Variants in SETBP1 observed in about 807,000 individuals in gnomAD.
SETBP1 encodes SET binding protein 1.
SETBP1 carries 9 observed loss-of-function variants against 101.0 expected under a neutral mutation model. The ratio of observed to expected loss-of-function variants is 0.09; its 90% CI spans 0.05 to 0.16. The LOEUF is 0.16. SETBP1 is among the 10% of genes least tolerant of loss of function. The pLI, the probability that SETBP1 is intolerant of heterozygous loss-of-function variation, is 1.00. For missense variants in SETBP1, 1,858 were observed against 2,033.8 expected, an observed-to-expected ratio of 0.91 and a Z score of 1.66; for synonymous variants, 818 against 788.5, an observed-to-expected ratio of 1.04 and a Z score of -0.63.
At chr18:45,034,396 G>C (rs1056115502) in intron 4 of SETBP1, among the ~76,000 whole-genome samples, 2 of 152,124 alleles carry the variant, frequency 1.3e-5, no homozygotes, top group African/African-American at 2.4e-5. Flanking sequence ...CGAAGGAGCA[G>C]GAATCCATAA....
At chr18:44,691,514 G>C (rs1383227803) in intron 1 of SETBP1, among the ~76,000 whole-genome samples, 1 of 152,194 alleles carries the variant, frequency 6.6e-6, no homozygotes, top group East Asian at 1.9e-4. Context: ...AAAGACACAA[G>C]GGTCATGCTG....
At chr18:44,726,484 G>C (rs1480597334) in intron 2 of SETBP1, among the ~76,000 whole-genome samples, 1 of 152,184 alleles carries the variant, frequency 6.6e-6, no homozygotes, top group Non-Finnish European at 1.5e-5. Context: ...GAGTTAACTG[G>C]CATGGGGAGG....
chr18:44,931,931 C>A (rs2070845197), intron 3 of SETBP1, among the ~76,000 whole-genome samples: 5 of 152,118 alleles, frequency 3.3e-5, no homozygotes, highest in Admixed American at 2.6e-4. Context: ...AGAATTTAGC[C>A]CATTTACATT....
chr18:44,851,070 T>C lies in SETBP1; in HGVS notation c.487-18160T>C, dbSNP rs143893946. On this transcript the variant is annotated intron_variant, in intron 2 of 5. Transcript: ENST00000649279. ...AGTGCACTATGTAACAGCTGTCCTC[T>C]GGACCTTTGGTCTGGCTGATGAAGC... is the stretch of plus-strand genomic sequence containing the variant. 3.0e-4 allele frequency among the ~76,000 whole-genome samples: 46 copies of C among 152,346 alleles called. 1 individual carries two copies. In the South Asian group the frequency reaches 6.2e-3, roughly 21 times the overall value.
chr18:44,818,666 C>T (rs2072035770), intron 2 of SETBP1, among the ~76,000 whole-genome samples: 1 of 151,964 alleles, frequency 6.6e-6, no homozygotes, highest in South Asian at 2.1e-4. Context: ...AAGGCATGAA[C>T]TACTATTTGT....
chr18:44,689,656 T>G (rs1486526849), intron 1 of SETBP1, among the ~76,000 whole-genome samples: 1 of 152,146 alleles, frequency 6.6e-6, no homozygotes, highest in Non-Finnish European at 1.5e-5. Context: ...AGGGGTTTAG[T>G]GTCTCCAAGG....
intron 4 of SETBP1, among the ~76,000 whole-genome samples, chr18:44,958,087 C>A (rs2071531088): frequency 6.6e-6 from 1 of 152,170 alleles, no homozygotes; most frequent in Admixed American, 6.5e-5. Flanking sequence ...CAAAATGGGA[C>A]TATGACCATA....
chr18:44,730,115 G>T (rs1027008554), intron 2 of SETBP1, among the ~76,000 whole-genome samples: 1 of 152,196 alleles, frequency 6.6e-6, no homozygotes, highest in African/African-American at 2.4e-5. Flanking sequence ...ATCTGCCCTT[G>T]TTATATGGGT....
At chr18:44,903,045 A>T (rs2070090549) in intron 3 of SETBP1, among the ~76,000 whole-genome samples, 1 of 152,154 alleles carries the variant, frequency 6.6e-6, no homozygotes, top group South Asian at 2.1e-4. Flanking sequence ...CCCATTTGAA[A>T]GGTCGATTGC....
In SETBP1 at chr18:44,812,959, G is replaced by T. The variant is rs527910802; in HGVS notation, c.487-56271G>T. Among the ~76,000 whole-genome samples the T allele has an allele frequency of 1.2e-4, 18 of 152,252 alleles. 1 individual carries two copies. The South Asian group carries it at 2.7e-3, about 23-fold the overall frequency. ...GTCCCTTCCATGGCATTAGCCATGG[G>T]TGACATCAGAGGTCTCTTTGGGGCC... On this transcript the variant is annotated intron_variant, in intron 2 of 5. Coordinates refer to ENST00000649279, the MANE Select transcript of SETBP1 (RefSeq NM_015559.3).
At chr18:44,875,549 A>G (rs1327460063) in intron 3 of SETBP1, among the ~76,000 whole-genome samples, 1 of 151,496 alleles carries the variant, frequency 6.6e-6, no homozygotes, top group East Asian at 1.9e-4. Context: ...AAAAAAAAAA[A>G]AAGAAGGAGT....
rs910645811 is a variant in SETBP1 at position 45,060,912 on chromosome 18, C to A, written c.4172-2167C>A. ...CCATCAAGCTTAACTCGGTCAAATA[C>A]AGTATTGCCAACTAATTGATTTACT... On this transcript the variant is annotated intron_variant, in intron 5 of 5. Coordinates refer to ENST00000649279, the MANE Select transcript of SETBP1 (RefSeq NM_015559.3). Among the ~76,000 whole-genome samples, 14 of 152,204 alleles carry A rather than the reference C, an allele frequency of 9.2e-5. No homozygotes were observed. The East Asian group carries it at 1.7e-3, about 19-fold the overall frequency.
In SETBP1 at chr18:45,038,478, T is replaced by G; in HGVS notation, c.4001-7T>G. Reference sequence around the variant, plus strand: ...TGACTGAAAGCTTTGGGGTTGTTATTTTTTAGGGATGCCAAGTCCCCACTT... The same window carrying G: ...TGACTGAAAGCTTTGGGGTTGTTATGTTTTAGGGATGCCAAGTCCCCACTT... On this transcript the variant is annotated splice_region_variant and splice_polypyrimidine_tract_variant and intron_variant, in intron 4 of 5. Coordinates refer to ENST00000649279, the MANE Select transcript of SETBP1 (RefSeq NM_015559.3). The G allele has an allele frequency of 6.2e-7, 1 of 1,614,036 alleles. No homozygotes were observed. Among genetic ancestry groups the G allele is most frequent in the Non-Finnish European group, 8.5e-7 (1 of 1,179,948 alleles).
Position 44,951,014 on chromosome 18 carries a change from C to G in SETBP1, c.1674C>G (p.Pro558=). 2 of 1,614,012 alleles carry G rather than the reference C, an allele frequency of 1.2e-6. No homozygotes were observed. Among genetic ancestry groups the G allele is most frequent in the Non-Finnish European group, 1.7e-6 (2 of 1,180,030 alleles). Residue 558 remains proline, a synonymous_variant, in exon 4 of 6, where the codon CCC becomes CCG. Coordinates refer to ENST00000649279, the MANE Select transcript of SETBP1 (RefSeq NM_015559.3). This position sits in a 1 kb window ranked among gnomAD's most constrained non-coding sequence, Gnocchi z 7.8. The part of the protein sequence containing the change: ...MATSDKLMLE[P]PSAYPITPSS... ...CCTCTGATAAACTGATGCTGGAGCC[C>G]CCGTCTGCATATCCCATCACCCCAT... is the stretch of plus-strand genomic sequence containing the variant.
At chr18:44,839,057 G>A (rs1421886710) in intron 2 of SETBP1, among the ~76,000 whole-genome samples, 2 of 146,434 alleles carry the variant, frequency 1.4e-5, no homozygotes, top group Non-Finnish European at 1.5e-5. Context: ...AGCAATGAAT[G>A]ATTCTCTTAA....
intron 2 of SETBP1, among the ~76,000 whole-genome samples, chr18:44,753,233 G>C (rs570747984): frequency 6.6e-6 from 1 of 152,228 alleles, no homozygotes; most frequent in South Asian, 2.1e-4. Flanking sequence ...CTCTTGTGTT[G>C]GGACCAATTT....
chr18:44,987,471 T>G (rs1020165587), intron 4 of SETBP1: 5 of 152,216 alleles, frequency 3.3e-5, no homozygotes, highest in Non-Finnish European at 5.9e-5. Flanking sequence ...GCTTTGGAGC[T>G]CTCTTGGAAA....
At chr18:44,738,284 A>G (rs1168549994) in intron 2 of SETBP1, among the ~76,000 whole-genome samples, 2 of 152,180 alleles carry the variant, frequency 1.3e-5, no homozygotes, top group African/African-American at 4.8e-5. Context: ...CTATGTTGAC[A>G]TCTCTTTCCA....
intron 2 of SETBP1, among the ~76,000 whole-genome samples, chr18:44,863,826 C>T (rs1336930234): frequency 6.6e-6 from 1 of 152,028 alleles, no homozygotes; most frequent in Non-Finnish European, 1.5e-5. Context: ...TTGCTTTGGC[C>T]CATAAGAAAG....
Sources: gnomAD v4.1 joint callset for allele counts (sites outside exome capture counted in the v4.1 genomes callset) on GRCh38, gnomAD v4.1.1 for gene constraint, Gnocchi (gnomAD v3.1) non-coding constraint, MANE v1.5 for transcripts, NCBI Gene and HGNC (gene_info 2026-07-23, HGNC 2026-07-21) for gene names.